RAB44: variants seen among roughly 807,000 people sequenced by gnomAD.
RAB44 encodes the protein ras-related protein Rab-44.
RAB44 carries 67 observed loss-of-function variants against 93.3 expected under a neutral mutation model. The observed-to-expected ratio is 0.72, with a 90% CI of 0.59 to 0.88. The LOEUF (loss-of-function observed/expected upper bound fraction) is 0.88. Ranked by LOEUF, RAB44 falls within the 40% of genes least tolerant of loss-of-function variation. RAB44 has a pLI of 0.00. For missense variants in RAB44, 1,064 were observed against 1,261.7 expected (o/e 0.84, Z 2.37); for synonymous variants, 427 against 520.3 (o/e 0.82, Z 2.44).
chr6:36,718,679 A>G, intron 7 of RAB44, 91 bp downstream of exon 7: 1 of 570,462 alleles, frequency 1.8e-6, no homozygotes, highest in South Asian at 9.1e-5. Context: ...GGAAATCAGA[A>G]CTCCTGCCTT....
chr6:36,729,696 T>C (rs553380363), intron 12 of RAB44, among the ~76,000 whole-genome samples: 18 of 152,186 alleles, frequency 1.2e-4, no homozygotes, highest in Non-Finnish European at 2.5e-4. Flanking sequence ...TTGGCCAGGC[T>C]GATCTGGAAC....
intron 10 of RAB44, among the ~76,000 whole-genome samples, chr6:36,726,931 G>A (rs1763251673): frequency 6.6e-6 from 1 of 151,190 alleles, no homozygotes; most frequent in Non-Finnish European, 1.5e-5. Context: ...CTCCTGAGGA[G>A]CTGGGACTAC....
chr6:36,722,015 G>A lies in RAB44; in HGVS notation c.1881G>A (p.Val627=). The A allele has an allele frequency of 8.1e-7, 1 of 1,234,754 alleles. No homozygotes were observed. The highest frequency in any genetic ancestry group is 1.0e-6 in the Non-Finnish European group (1 of 988,482). The allele number at this position is 1,234,754 out of a possible 1,614,324, so 76.5% of individuals were successfully genotyped here. ...AGGGCCTGGAATTTGTGGGTCCGGTGCCCACAGAGAGGCTGGAGCAGGGCC... is the reference window on the plus strand; with the variant it reads ...AGGGCCTGGAATTTGTGGGTCCGGTACCCACAGAGAGGCTGGAGCAGGGCC... ...PFQGLEFVGP[V]PTERLEQGQA... The change falls in exon 9 of 14, where the codon GTG becomes GTA. Residue 627 remains valine (V), a synonymous_variant. Transcript: ENST00000612677.
At position 36,722,428 on chromosome 6, in the gene RAB44, C is replaced by G; in HGVS notation, c.2294C>G (p.Pro765Arg). The G allele has an allele frequency of 7.0e-7, 1 of 1,426,690 alleles. No individual in the cohort carries two copies. Among genetic ancestry groups the G allele is most frequent in the African/African-American group, 1.4e-5 (1 of 69,728 alleles). 88.4% of individuals were successfully genotyped at this position (1,426,690 alleles called of 1,614,324 possible). Residue 765 changes from proline to arginine, a missense_variant, in exon 9 of 14, where the codon CCT becomes CGT. By Grantham distance (103) the Pro-to-Arg change is moderately radical. Coordinates refer to ENST00000612677, the MANE Select transcript of RAB44 (RefSeq NM_001257357.2). ...GAGPQEPTQT[P>R]PTMAEQEAQP... ...GGACCCCAGGAACCCACGCAAACCC[C>G]TCCCACCATGGCTGAGCAGGAAGCC...
intron 9 of RAB44, among the ~76,000 whole-genome samples, chr6:36,723,385 A>G (rs1440183243): frequency 6.6e-6 from 1 of 152,214 alleles, no homozygotes; most frequent in Non-Finnish European, 1.5e-5. Context: ...GTGAGTACTC[A>G]GTAAGTATTA....
chr6:36,721,712 C>T lies in RAB44; in HGVS notation c.1578C>T (p.Asp526=), dbSNP rs1479887748. 22 of 1,234,406 alleles carry T rather than the reference C, an allele frequency of 1.8e-5. No homozygotes were observed. Among genetic ancestry groups the T allele is most frequent in the Non-Finnish European group, 2.2e-5 (22 of 988,210 alleles). 76.5% of individuals were successfully genotyped at this position (1,234,406 alleles called of 1,614,324 possible). The change falls in exon 9 of 14, where the codon GAC becomes GAT. Residue 526 remains aspartate (D), a synonymous_variant. Coordinates refer to ENST00000612677, the MANE Select transcript of RAB44 (RefSeq NM_001257357.2). ...CCAGCAAACAGATCCAGGCCTCAGA[C>T]CCAGATGACAAGGGCCCTGGGTCTT... The part of the protein sequence containing the change: ...AGSSKQIQAS[D]PDDKGPGSWA...
At chr6:36,710,559 T>C (rs2150329002) in intron 2 of RAB44, among the ~76,000 whole-genome samples, 1 of 151,970 alleles carries the variant, frequency 6.6e-6, no homozygotes, top group African/African-American at 2.4e-5. Context: ...TTTTTTTTTT[T>C]TTAATTGAGA....
rs1762965621 is a variant in RAB44 at position 36,717,961 on chromosome 6, C to A, written c.642-67C>A. 1 of 1,000,876 alleles carries A rather than the reference C, an allele frequency of 1.0e-6. No homozygotes were observed. Among genetic ancestry groups the A allele is most frequent in the Non-Finnish European group, 1.3e-6 (1 of 777,086 alleles). The allele number at this position is 1,000,876 out of a possible 1,614,324, so 62.0% of individuals were successfully genotyped here. On this transcript the variant is annotated intron_variant, in intron 5 of 13. Transcript: ENST00000612677. This position sits in a 1 kb window ranked among gnomAD's most constrained non-coding sequence, Gnocchi z 4.1. ...GGATTCCAAACCCAAGCCCAGACTGCCCCTGCCAGCAGCAGGCTCCCAGAG... is the reference window on the plus strand; with the variant it reads ...GGATTCCAAACCCAAGCCCAGACTGACCCTGCCAGCAGCAGGCTCCCAGAG...
chr6:36,719,121 G>A (rs1230146517), intron 7 of RAB44, among the ~76,000 whole-genome samples: 8 of 152,212 alleles, frequency 5.3e-5, no homozygotes, highest in Middle Eastern at 3.4e-3. Context: ...GGGTTTCACC[G>A]TGGTCTCAAT....
At chr6:36,707,399 G>C (rs1762675778) in intron 2 of RAB44, among the ~76,000 whole-genome samples, 1 of 151,636 alleles carries the variant, frequency 6.6e-6, no homozygotes, top group Admixed American at 6.6e-5. Flanking sequence ...CTGAGGGTTA[G>C]AGACAGCTCA....
intron 10 of RAB44, 66 bp downstream of exon 10, chr6:36,726,009 G>A (rs1763230344): frequency 7.8e-7 from 1 of 1,278,438 alleles, no homozygotes. Flanking sequence ...GAGGGACAGG[G>A]AGCAGCCCTA....
chr6:36,704,071 G>A (rs1172033698), intron 1 of RAB44, among the ~76,000 whole-genome samples, 153 bp from the exon 2 acceptor site: 1 of 152,178 alleles, frequency 6.6e-6, no homozygotes, highest in Non-Finnish European at 1.5e-5. Context: ...GCTGGGCGAC[G>A]AGGTCAGAGG....
In RAB44 at chr6:36,715,521, G is replaced by A. The variant is rs758600381; in HGVS notation, c.362G>A (p.Arg121Lys). 152 of 1,536,036 alleles carry A rather than the reference G, an allele frequency of 9.9e-5. No individual in the cohort carries two copies. The highest frequency in any genetic ancestry group is 1.3e-4 in the Non-Finnish European group (152 of 1,146,914). ...GSSQSPHRLR[R>K]RKPLPSKRVS... ...AGCCAGAGCCCCCACAGGCTCCGCAGAAGGAAGCCACTGCCCTCTAAGCGG... is the reference window on the plus strand; with the variant it reads ...AGCCAGAGCCCCCACAGGCTCCGCAAAAGGAAGCCACTGCCCTCTAAGCGG... The change falls in exon 4 of 14, where the codon AGA becomes AAA. Residue 121 changes from arginine (R) to lysine (K), a missense_variant. Transcript: ENST00000612677.
In RAB44 at chr6:36,717,222, A is replaced by T; in HGVS notation, c.495-51A>T. The stretch of plus-strand genomic sequence containing the variant: ...GGAGTGGGGCTCCCCTTGCTTCTCC[A>T]TCCCACCTTGTGTCTGACCCTCCCA... On this transcript the variant is annotated intron_variant, in intron 4 of 13. Coordinates refer to ENST00000612677, the MANE Select transcript of RAB44 (RefSeq NM_001257357.2). This position sits in a 1 kb window ranked among gnomAD's most constrained non-coding sequence, Gnocchi z 4.1. The T allele has an allele frequency of 8.1e-7, 1 of 1,231,488 alleles. No individual in the cohort carries two copies. Among genetic ancestry groups the T allele is most frequent in the African/African-American group, 1.6e-5 (1 of 64,512 alleles). The allele number at this position is 1,231,488 out of a possible 1,614,324, so 76.3% of individuals were successfully genotyped here.
chr6:36,732,266 C>T lies in RAB44; in HGVS notation c.*173C>T, dbSNP rs1763379919. On this transcript the variant is annotated 3_prime_UTR_variant, in exon 14 of 14. Transcript: ENST00000612677. The stretch of plus-strand genomic sequence containing the variant: ...AGGGCCGCATCACCTCTGCCTTTCA[C>T]ACTCCAAAGGAGGGCTTTGCTGAGT... 2.6e-6 allele frequency: 1 copy of T among 389,922 alleles called. No individual in the cohort carries two copies. Among genetic ancestry groups the T allele is most frequent in the Non-Finnish European group, 4.5e-6 (1 of 221,880 alleles). 24.2% of individuals were successfully genotyped at this position (389,922 alleles called of 1,614,324 possible).
chr6:36,712,373 AT>A (rs1762809711), intron 2 of RAB44, among the ~76,000 whole-genome samples: 1 of 151,938 alleles, frequency 6.6e-6, no homozygotes, highest in African/African-American at 2.4e-5. Context: ...ATATGAAATT[AT>A]TTTTCTTTGA....
chr6:36,713,984 GC>G, intron 3 of RAB44, 45 bp downstream of exon 3: 1 of 1,257,074 alleles, frequency 8.0e-7, no homozygotes, highest in Non-Finnish European at 1.1e-6. Context: ...GGTGTTCCGT[GC>G]AGTGTGCCCT....
intron 1 of RAB44, among the ~76,000 whole-genome samples, chr6:36,701,639 T>C (rs1483883953): frequency 1.3e-5 from 2 of 152,188 alleles, no homozygotes; most frequent in Non-Finnish European, 2.9e-5. Context: ...TTGCTCCTTT[T>C]TCAGTGCTCT....
At chr6:36,719,705 T>C (rs984513137) in intron 7 of RAB44, among the ~76,000 whole-genome samples, 1 of 152,046 alleles carries the variant, frequency 6.6e-6, no homozygotes. Flanking sequence ...GCTGAGATGA[T>C]GACATTGGAG....
Sources: gnomAD v4.1 joint callset for allele counts (sites outside exome capture counted in the v4.1 genomes callset) on GRCh38, gnomAD v4.1.1 for gene constraint, Gnocchi (gnomAD v3.1) non-coding constraint, MANE v1.5 for transcripts, NCBI Gene and HGNC (gene_info 2026-07-23, HGNC 2026-07-21) for gene names.